The following CRISPLD2 variants were observed in gnomAD, a reference collection of about 807,000 sequenced individuals.
CRISPLD2 encodes cysteine rich secretory protein LCCL domain containing 2.
A neutral mutation model predicts 71.1 loss-of-function variants in CRISPLD2; 47 were observed. The observed-to-expected ratio is 0.66, with a 90% CI of 0.52 to 0.84. The LOEUF (loss-of-function observed/expected upper bound fraction) is 0.84. Among genes scored for constraint, CRISPLD2 ranks in the 40% least tolerant of loss-of-function variants. The pLI is 0.00. For missense variants in CRISPLD2, 830 were observed against 651.1 expected, an observed-to-expected ratio of 1.27 and a Z score of -2.99; for synonymous variants, 317 against 250.1, an observed-to-expected ratio of 1.27 and a Z score of -2.52.
chr16:84,841,416 G>C (rs1302717191), intron 2 of CRISPLD2, among the ~76,000 whole-genome samples: 1 of 152,126 alleles, frequency 6.6e-6, no homozygotes, highest in Non-Finnish European at 1.5e-5. Flanking sequence ...CTGAGGGAGT[G>C]AGGCCATTGG....
chr16:84,906,314 T>C (rs2071801933), intron 14 of CRISPLD2, among the ~76,000 whole-genome samples: 1 of 151,992 alleles, frequency 6.6e-6, no homozygotes, highest in Non-Finnish European at 1.5e-5. Flanking sequence ...CCAGACAGAC[T>C]GGGTCCAGCA....
intron 4 of CRISPLD2, among the ~76,000 whole-genome samples, chr16:84,850,198 C>T (rs978162565): frequency 2.0e-5 from 3 of 151,650 alleles, no homozygotes; most frequent in East Asian, 1.9e-4. Flanking sequence ...TCAAGCGATT[C>T]GCCTGCCTCA....
intron 11 of CRISPLD2, among the ~76,000 whole-genome samples, chr16:84,875,970 A>G (rs750561216): frequency 1.9e-4 from 29 of 152,164 alleles, no homozygotes; most frequent in Non-Finnish European, 3.7e-4. Flanking sequence ...TTGGATAGCT[A>G]TATAGAACCA....
chr16:84,901,787 CTTT>C (rs760025598), intron 14 of CRISPLD2, among the ~76,000 whole-genome samples: 7 of 87,844 alleles, frequency 8.0e-5, no homozygotes, highest in African/African-American at 1.8e-4. Flanking sequence ...ACTGGTTGCA[CTTT>C]TTTTTTTTTT....
intron 12 of CRISPLD2, among the ~76,000 whole-genome samples, chr16:84,878,217 C>T (rs920610757): frequency 6.7e-6 from 1 of 149,806 alleles, no homozygotes; most frequent in Non-Finnish European, 1.5e-5. Flanking sequence ...GAGCGAGACT[C>T]CGTCTCAAAA....
At chr16:84,844,446 C>T (rs1351667153) in intron 2 of CRISPLD2, among the ~76,000 whole-genome samples, 1 of 152,190 alleles carries the variant, frequency 6.6e-6, no homozygotes, top group East Asian at 1.9e-4. Context: ...ACCATCCCCG[C>T]CATCCATCTC....
At chr16:84,848,138 C>T (rs544169331) in intron 3 of CRISPLD2, among the ~76,000 whole-genome samples, 6 of 152,196 alleles carry the variant, frequency 3.9e-5, no homozygotes, top group Non-Finnish European at 7.3e-5. Context: ...CCGCGGGTTC[C>T]TTTCCCCACA....
chr16:84,908,551 G>A lies in CRISPLD2; in HGVS notation c.*1909G>A, dbSNP rs565689685. ...CGCTTCCAAAGCATCCCACTCAAGG[G>A]AGACTTGAAACTTCCAGTGTGAGTT... On this transcript the variant is annotated 3_prime_UTR_variant, in exon 15 of 15. Coordinates refer to ENST00000262424, the MANE Select transcript of CRISPLD2 (RefSeq NM_031476.4). 215 of 152,320 alleles carry A rather than the reference G, an allele frequency of 1.4e-3. 1 individual carries two copies. Among genetic ancestry groups the A allele is most frequent in the African/African-American group, 4.8e-3 (200 of 41,560 alleles). The allele number at this position is 152,320 out of a possible 1,614,324, so 9.4% of individuals were successfully genotyped here. A position where few individuals can be genotyped will look rare whatever the true frequency, so the allele number is the denominator to read the frequency against.
At chr16:84,871,180 C>A (rs13332198) in intron 8 of CRISPLD2, among the ~76,000 whole-genome samples, 1 of 152,144 alleles carries the variant, frequency 6.6e-6, no homozygotes, top group African/African-American at 2.4e-5. Flanking sequence ...ATGTTTAAGT[C>A]TTTCTTAAAG....
intron 6 of CRISPLD2, among the ~76,000 whole-genome samples, chr16:84,859,985 A>C (rs1226261585): frequency 1.3e-5 from 2 of 152,250 alleles, no homozygotes; most frequent in Non-Finnish European, 2.9e-5. Flanking sequence ...AATCTATTTC[A>C]CAAAGCATTA....
In CRISPLD2 at chr16:84,908,364, T is replaced by G. The variant is rs1477311731; in HGVS notation, c.*1722T>G. 1.3e-5 allele frequency: 2 copies of G among 152,270 alleles called. No individual in the cohort carries two copies. The highest frequency in any genetic ancestry group is 4.8e-5 in the African/African-American group (2 of 41,454). The allele number at this position is 152,270 out of a possible 1,614,324, so 9.4% of individuals were successfully genotyped here. A position where few individuals can be genotyped will look rare whatever the true frequency, so the allele number is the denominator to read the frequency against. ...GGAGAGGAAGAATTCGGTCAGCCTG[T>G]CAGGTCGTGAGTCCAGTTACCACCA... On this transcript the variant is annotated 3_prime_UTR_variant, in exon 15 of 15. Coordinates refer to ENST00000262424, the MANE Select transcript of CRISPLD2 (RefSeq NM_031476.4).
chr16:84,839,253 T>A, intron 2 of CRISPLD2: 1 of 301,678 alleles, frequency 3.3e-6, no homozygotes, highest in Non-Finnish European at 6.5e-6. Context: ...CCTGCCTCGT[T>A]GCCTTCATGT....
At chr16:84,874,101 T>C in intron 11 of CRISPLD2, 138 bp downstream of exon 11, 1 of 804,924 alleles carries the variant, frequency 1.2e-6, no homozygotes, top group Non-Finnish European at 2.0e-6. Flanking sequence ...TCAAGCCTTT[T>C]TCAAGACGTC....
chr16:84,873,274 T>C, intron 10 of CRISPLD2, 152 bp downstream of exon 10: 2 of 798,102 alleles, frequency 2.5e-6, no homozygotes, highest in Non-Finnish European at 3.8e-6. Context: ...GGTCAGGAGT[T>C]CAAGACCAGC....
chr16:84,890,479 A>C (rs546337988), intron 14 of CRISPLD2, among the ~76,000 whole-genome samples: 1 of 152,158 alleles, frequency 6.6e-6, no homozygotes, highest in Non-Finnish European at 1.5e-5. Context: ...ATTGGTAGTG[A>C]CTGTGAATGA....
intron 3 of CRISPLD2, among the ~76,000 whole-genome samples, chr16:84,846,946 C>T (rs115784200): frequency 0.014 from 2,189 of 152,308 alleles, 30 homozygotes; most frequent in African/African-American, 0.033. Context: ...TGGGGGCTGA[C>T]GGCTGGTTTC....
intron 3 of CRISPLD2, 88 bp downstream of exon 3, chr16:84,845,992 C>G: frequency 1.2e-6 from 1 of 815,408 alleles, no homozygotes; most frequent in Non-Finnish European, 2.0e-6. Flanking sequence ...CAAGTTTAGC[C>G]TGCAAAGAGA....
rs1262750364 is a variant in CRISPLD2 at position 84,845,853 on chromosome 16, C to A, written c.308C>A (p.Pro103His). The A allele has an allele frequency of 6.2e-7, 1 of 1,614,104 alleles. No homozygotes were observed. The highest frequency in any genetic ancestry group is 1.3e-5 in the African/African-American group (1 of 75,058). The stretch of plus-strand genomic sequence containing the variant: ...AGTCAGTGCATCTGGGAGCACGGGC[C>A]CACCAGTCTGCTGGTGTCCATCGGG... ...WASQCIWEHG[P>H]TSLLVSIGQN... Residue 103 changes from proline (P) to histidine (H), a missense_variant, in exon 3 of 15, where the codon CCC (proline) becomes CAC (histidine). Coordinates refer to ENST00000262424, the MANE Select transcript of CRISPLD2 (RefSeq NM_031476.4).
chr16:84,889,327 A>T lies in CRISPLD2; in HGVS notation c.1403A>T (p.Tyr468Phe), dbSNP rs201807614. 2 of 1,613,870 alleles carry T rather than the reference A, an allele frequency of 1.2e-6. No individual in the cohort carries two copies. The highest frequency in any genetic ancestry group is 2.7e-5 in the African/African-American group (2 of 74,906). ...ATGCCCGTGGATAAAAAGAAGACCT[A>T]CGTGGGCTCGCTCAGGAATGGAGTT... ...DVMPVDKKKTYVGSLRNGVQS... is the reference protein window; with the variant it reads ...DVMPVDKKKTFVGSLRNGVQS... The change falls in exon 14 of 15, where the codon TAC becomes TTC. Residue 468 changes from tyrosine (Y) to phenylalanine (F), a missense_variant. By Grantham distance (22) the Tyr-to-Phe change is conservative. Transcript: ENST00000262424.
Sources: gnomAD v4.1 joint callset for allele counts (sites outside exome capture counted in the v4.1 genomes callset) on GRCh38, gnomAD v4.1.1 for gene constraint, MANE v1.5 for transcripts, NCBI Gene and HGNC (gene_info 2026-07-23, HGNC 2026-07-21) for gene names.